ALG5: variants seen among roughly 807,000 people sequenced by gnomAD.
ALG5 encodes dolichyl-phosphate beta-glucosyltransferase.
A neutral mutation model predicts 51.8 loss-of-function variants in ALG5; 26 were observed. The observed-to-expected ratio is 0.50, with a 90% confidence interval of 0.37 to 0.70. ALG5 has a LOEUF of 0.70. Among genes scored for constraint, ALG5 ranks in the 30% least tolerant of loss-of-function variants. The probability of loss-of-function intolerance (pLI) is 0.00; values close to 1 mark genes in which losing one functional copy is unlikely to be tolerated. For missense variants in ALG5, 311 were observed against 399.3 expected (o/e 0.78, Z 1.88); for synonymous variants, 141 against 136.1 (o/e 1.04, Z -0.25).
At chr13:36,976,925 A>G (rs1041928422) in intron 6 of ALG5, among the ~76,000 whole-genome samples, 1 of 152,226 alleles carries the variant, frequency 6.6e-6, no homozygotes. Context: ...TTTAAACTTG[A>G]AAAGAGCAAC....
At chr13:36,968,686 G>A (rs1208352459) in intron 7 of ALG5, among the ~76,000 whole-genome samples, 1 of 152,244 alleles carries the variant, frequency 6.6e-6, no homozygotes, top group Non-Finnish European at 1.5e-5. Flanking sequence ...ATAAGCTACC[G>A]AAGTTGTCAT....
At chr13:36,998,089 C>T (rs142917671) in intron 1 of ALG5, among the ~76,000 whole-genome samples, 1 of 152,232 alleles carries the variant, frequency 6.6e-6, no homozygotes, top group African/African-American at 2.4e-5. Flanking sequence ...TCACTTCAAG[C>T]TAGTGGGAAC....
At chr13:36,983,739 T>A (rs984436576) in intron 6 of ALG5, among the ~76,000 whole-genome samples, 8 of 152,036 alleles carry the variant, frequency 5.3e-5, no homozygotes, top group Non-Finnish European at 1.2e-4. Flanking sequence ...TTAAGAATTA[T>A]ATTAGTTGAT....
chr13:36,977,842 A>G lies in ALG5; in HGVS notation c.562-5806T>C, dbSNP rs534370033. Among the ~76,000 whole-genome samples, 7 of 143,290 alleles carry G rather than the reference A, an allele frequency of 4.9e-5. No individual in the cohort carries two copies. The East Asian group carries it at 8.5e-4, about 17-fold the overall frequency. The allele number at this position is 143,290 out of a possible 152,430, so 94.0% of individuals were successfully genotyped here. A position where few individuals can be genotyped will look rare whatever the true frequency, so the allele number is the denominator to read the frequency against. On this transcript the variant is annotated intron_variant, in intron 6 of 9. Transcript: ENST00000239891. The stretch of plus-strand genomic sequence containing the variant: ...AAAACGGTGGTAAGAAGTAAAGTAT[A>G]TATTATCTTCTAGCAAGAAATGCTA...
intron 6 of ALG5, among the ~76,000 whole-genome samples, chr13:36,981,702 C>T (rs1233260938): frequency 6.6e-6 from 1 of 152,070 alleles, no homozygotes; most frequent in Non-Finnish European, 1.5e-5. Context: ...AATACCTGTA[C>T]GAAGTAACAA....
chr13:36,983,350 T>A (rs1017655516), intron 6 of ALG5, among the ~76,000 whole-genome samples: 1 of 152,252 alleles, frequency 6.6e-6, no homozygotes, highest in African/African-American at 2.4e-5. Context: ...TTTACTAAGA[T>A]GTTGGACATG....
chr13:36,997,710 AAAG>A (rs1449205760), intron 1 of ALG5, among the ~76,000 whole-genome samples: 1 of 152,178 alleles, frequency 6.6e-6, no homozygotes, highest in Non-Finnish European at 1.5e-5. Context: ...GGTATTTTAA[AAAG>A]AAGGACCTTA....
intron 1 of ALG5, among the ~76,000 whole-genome samples, chr13:36,996,152 G>C (rs957030641): frequency 6.6e-6 from 1 of 152,146 alleles, no homozygotes; most frequent in Non-Finnish European, 1.5e-5. Context: ...ATATGTTTTT[G>C]ACACTTAACT....
At chr13:36,959,593 G>A (rs1053886426) in intron 8 of ALG5, among the ~76,000 whole-genome samples, 5 of 152,216 alleles carry the variant, frequency 3.3e-5, no homozygotes, top group African/African-American at 1.2e-4. Flanking sequence ...CCAAAAGGGG[G>A]TGGAAACAAC....
At chr13:36,991,736 G>C (rs552153238) in intron 4 of ALG5, among the ~76,000 whole-genome samples, 2 of 152,304 alleles carry the variant, frequency 1.3e-5, no homozygotes, top group East Asian at 3.9e-4. Flanking sequence ...TTCGTTCCTA[G>C]TTAAAAAGGA....
chr13:36,961,979 G>T (rs2058869302), intron 8 of ALG5, among the ~76,000 whole-genome samples: 1 of 152,250 alleles, frequency 6.6e-6, no homozygotes, highest in Non-Finnish European at 1.5e-5. Context: ...GTAAAGACGA[G>T]GTTTCACCAT....
intron 9 of ALG5, among the ~76,000 whole-genome samples, chr13:36,950,657 G>A (rs2058814115): frequency 6.6e-6 from 1 of 151,698 alleles, no homozygotes; most frequent in African/African-American, 2.4e-5. Context: ...ATGGCTCACT[G>A]TAACCTTGAC....
chr13:36,985,035 G>A (rs1284313592), intron 6 of ALG5, among the ~76,000 whole-genome samples: 1 of 151,800 alleles, frequency 6.6e-6, no homozygotes, highest in African/African-American at 2.4e-5. Flanking sequence ...TTGTCCAAGG[G>A]TGCTTTTTCA....
At chr13:36,992,016 G>A (rs996302523) in intron 4 of ALG5, among the ~76,000 whole-genome samples, 5 of 152,144 alleles carry the variant, frequency 3.3e-5, no homozygotes, top group African/African-American at 9.7e-5. Flanking sequence ...TGTGATGAAG[G>A]AATGCGTGAG....
At chr13:36,959,379 A>G (rs1482318968) in intron 8 of ALG5, among the ~76,000 whole-genome samples, 1 of 152,172 alleles carries the variant, frequency 6.6e-6, no homozygotes, top group Admixed American at 6.5e-5. Context: ...CAAAAAAAGG[A>G]TGTACATTAA....
intron 7 of ALG5, chr13:36,967,685 T>C (rs921104893): frequency 9.8e-6 from 5 of 509,880 alleles, no homozygotes; most frequent in Non-Finnish European, 1.4e-5. Flanking sequence ...TCTAAGTAGA[T>C]AGGGCAGAAA....
chr13:36,951,790 G>T (rs949404329), intron 9 of ALG5, among the ~76,000 whole-genome samples: 2 of 152,164 alleles, frequency 1.3e-5, no homozygotes, highest in Non-Finnish European at 2.9e-5. Context: ...AACACTTTTA[G>T]TTATTTATTT....
chr13:36,965,520 C>T, intron 8 of ALG5, 55 bp downstream of exon 8: 1 of 1,533,264 alleles, frequency 6.5e-7, no homozygotes, highest in Non-Finnish European at 8.9e-7. Flanking sequence ...TTCTCATTAC[C>T]TAGAAGATGG....
At chr13:36,950,738 C>T (rs1229955043) in intron 9 of ALG5, among the ~76,000 whole-genome samples, 2 of 152,148 alleles carry the variant, frequency 1.3e-5, no homozygotes, top group African/African-American at 2.4e-5. Context: ...GAGGCACGCA[C>T]CACACCTGCC....
Sources: allele counts gnomAD v4.1 joint callset (sites outside exome capture counted in the v4.1 genomes callset), GRCh38; gene constraint gnomAD v4.1.1; transcripts MANE v1.5; gene names NCBI Gene and HGNC (gene_info 2026-07-23, HGNC 2026-07-21).